SLFN12L: variants seen among roughly 807,000 people sequenced by gnomAD.
The protein encoded by SLFN12L is schlafen family member 12 like, also known as schlafen family member 12-like.
In SLFN12L, 34 loss-of-function variants were observed where a neutral mutation model predicts 34.8. The observed-to-expected ratio is 0.98, with a 90% CI of 0.74 to 1.30. SLFN12L has a LOEUF of 1.30. Ranked by LOEUF, SLFN12L falls within the 50% of genes most tolerant of loss-of-function variation. SLFN12L has a pLI of 0.00. For missense variants in SLFN12L, 703 were observed against 696.2 expected (o/e 1.01, Z -0.11); for synonymous variants, 259 against 247.5 (o/e 1.05, Z -0.44).
At chr17:35,480,308 T>C (rs1024455989) in intron 2 of SLFN12L, 113 bp from the exon 3 acceptor site, 17 of 771,064 alleles carry the variant, frequency 2.2e-5, no homozygotes, top group African/African-American at 3.5e-5. Context: ...GACTGGTAAG[T>C]ATATGGGTCT....
At chr17:35,524,381 C>G (rs1338591186) in intron 1 of SLFN12L, among the ~76,000 whole-genome samples, 1 of 152,230 alleles carries the variant, frequency 6.6e-6, no homozygotes, top group East Asian at 1.9e-4. Flanking sequence ...TGCTAAGGGT[C>G]AGATGGCCTC....
chr17:35,524,971 G>C (rs1359845328), intron 1 of SLFN12L, among the ~76,000 whole-genome samples: 1 of 151,970 alleles, frequency 6.6e-6, no homozygotes, highest in Admixed American at 6.6e-5. Flanking sequence ...AAAAAGGTTA[G>C]ACAAATTGCT....
At chr17:35,476,808 C>A (rs530162635) in intron 4 of SLFN12L, among the ~76,000 whole-genome samples, 1 of 151,104 alleles carries the variant, frequency 6.6e-6, no homozygotes, top group East Asian at 1.9e-4. Flanking sequence ...AAATGTGTAA[C>A]CCTATCTGAA....
chr17:35,487,811 G>A, intron 2 of SLFN12L: 1 of 1,478,252 alleles, frequency 6.8e-7, no homozygotes, highest in Non-Finnish European at 9.1e-7. Context: ...GTCCGTGTGC[G>A]GCTAGCCCCT....
Position 35,530,527 on chromosome 17 carries a change from G to A in SLFN12L, c.-606+7046C>T, listed in dbSNP as rs991772371. ...AAGAAAGAAAGAAAAGAAAAGAAAA[G>A]AAAAGAAAAGAAAAGAAAGAAAGAA... On this transcript the variant is annotated intron_variant, in intron 1 of 4. Transcript: ENST00000628453. 9.1e-3 allele frequency among the ~76,000 whole-genome samples: 339 copies of A among 37,060 alleles called. 13 individuals carry two copies. The highest frequency in any genetic ancestry group is 0.016 in the Non-Finnish European group (213 of 13,024). 24.3% of individuals were successfully genotyped at this position (37,060 alleles called of 152,430 possible).
At chr17:35,525,781 A>T (rs1163324496) in intron 1 of SLFN12L, among the ~76,000 whole-genome samples, 1 of 152,208 alleles carries the variant, frequency 6.6e-6, no homozygotes, top group African/African-American at 2.4e-5. Flanking sequence ...GACCATCGAC[A>T]CTATGAAGAA....
chr17:35,478,126 G>C lies in SLFN12L; in HGVS notation c.1225C>G (p.Leu409Val). The change falls in exon 4 of 5, where the codon CTT becomes GTT. Residue 409 changes from leucine to valine, a missense_variant. Leu to Val is a conservative substitution (Grantham distance 32). Coordinates refer to ENST00000628453, the MANE Select transcript of SLFN12L (RefSeq NM_001363830.2). ...ATTTTGAAGTTAATATATTCACGAAGAGGATAACTCTGGGAGACAGGTGAT... is the reference window on the plus strand; with the variant it reads ...ATTTTGAAGTTAATATATTCACGAACAGGATAACTCTGGGAGACAGGTGAT... Reference protein sequence around the residue: ...TSSPVSQSYPLREYINFKIQP... With the variant: ...TSSPVSQSYPVREYINFKIQP... The C allele has an allele frequency of 6.5e-7, 1 of 1,545,570 alleles. No homozygotes were observed. Among genetic ancestry groups the C allele is most frequent in the Non-Finnish European group, 8.8e-7 (1 of 1,141,934 alleles).
chr17:35,511,597 A>T (rs2142158902), intron 2 of SLFN12L, among the ~76,000 whole-genome samples: 1 of 151,622 alleles, frequency 6.6e-6, no homozygotes, highest in Admixed American at 6.6e-5. Flanking sequence ...ACACACACAC[A>T]CACACACACA....
chr17:35,522,896 C>A lies in SLFN12L; in HGVS notation c.-532G>T. ...GTTGGGTTTGCTTATTTATTAACTC[C>A]TCTAATCCTTCATTCTGTGAGGACA... On this transcript the variant is annotated 5_prime_UTR_variant, in exon 2 of 5. The change creates a new upstream start codon in the 5' untranslated region. Coordinates refer to ENST00000628453, the MANE Select transcript of SLFN12L (RefSeq NM_001363830.2). The A allele has an allele frequency of 1.4e-6, 1 of 715,068 alleles. No homozygotes were observed. Among genetic ancestry groups the A allele is most frequent in the African/African-American group, 1.8e-5 (1 of 55,852 alleles). The allele number at this position is 715,068 out of a possible 1,614,324, so 44.3% of individuals were successfully genotyped here.
rs1916031768 is a variant in SLFN12L at position 35,522,625 on chromosome 17, A to G, written c.-261T>C. ...ATCCATCGGAGACACTGCAGCCTCC[A>G]AAGCCTCTGCGCTGCTCTCAGGACT... On this transcript the variant is annotated 5_prime_UTR_variant, in exon 2 of 5. Transcript: ENST00000628453. 3 of 1,612,456 alleles carry G rather than the reference A, an allele frequency of 1.9e-6. No homozygotes were observed. The highest frequency in any genetic ancestry group is 2.5e-6 in the Non-Finnish European group (3 of 1,179,196).
chr17:35,522,308 A>T lies in SLFN12L; in HGVS notation c.57T>A (p.Cys19Ter). ...HCEAHRILYI[C>*]ESQFLRNFIR... Reference sequence around the variant, plus strand: ...TGAAATTCCTCAGAAACTGACTTTCACAAATGTAGAGAATTCTGTGTGCCT... The same window carrying T: ...TGAAATTCCTCAGAAACTGACTTTCTCAAATGTAGAGAATTCTGTGTGCCT... Residue 19 changes from cysteine to a stop codon, truncating the protein, a stop_gained, in exon 2 of 5, where the codon TGT (cysteine) becomes TGA (stop). Transcript: ENST00000628453. LOFTEE classifies it high-confidence loss of function. 1 of 1,614,188 alleles carries T rather than the reference A, an allele frequency of 6.2e-7. No individual in the cohort carries two copies. Among genetic ancestry groups the T allele is most frequent in the Non-Finnish European group, 8.5e-7 (1 of 1,180,030 alleles).
chr17:35,464,935 G>A lies in SLFN12L; in HGVS notation c.*9988C>T, dbSNP rs1012195678. On this transcript the variant is annotated 3_prime_UTR_variant, in exon 5 of 5. Transcript: ENST00000628453. ...TCTGTCACCCAGGCTGGAGTGCGGTGGTGCCATCTTGGCTCACTGCAACCC... is the reference window on the plus strand; with the variant it reads ...TCTGTCACCCAGGCTGGAGTGCGGTAGTGCCATCTTGGCTCACTGCAACCC... Among the ~76,000 whole-genome samples the A allele has an allele frequency of 6.6e-6, 1 of 152,118 alleles. No homozygotes were observed. Among genetic ancestry groups the A allele is most frequent in the Non-Finnish European group, 1.5e-5 (1 of 68,022 alleles).
At chr17:35,529,156 T>C (rs9915940) in intron 1 of SLFN12L, among the ~76,000 whole-genome samples, 138,932 of 152,114 alleles carry the variant, frequency 0.91, 63,517 homozygotes, top group East Asian at 1. Flanking sequence ...TACCATCTCA[T>C]GCCAGTTAGA....
chr17:35,508,095 A>C (rs1330479255), intron 2 of SLFN12L, among the ~76,000 whole-genome samples: 1 of 152,224 alleles, frequency 6.6e-6, no homozygotes, highest in East Asian at 1.9e-4. Flanking sequence ...CATTGTATGG[A>C]AAAGCACTGT....
intron 2 of SLFN12L, among the ~76,000 whole-genome samples, chr17:35,492,679 T>A (rs544518000): frequency 6.6e-6 from 1 of 152,196 alleles, no homozygotes; most frequent in African/African-American, 2.4e-5. Context: ...AGGAATGGTG[T>A]CCCAAGTTGG....
intron 1 of SLFN12L, among the ~76,000 whole-genome samples, chr17:35,533,244 A>G (rs1007152616): frequency 6.6e-6 from 1 of 152,254 alleles, no homozygotes; most frequent in Non-Finnish European, 1.5e-5. Context: ...TAAAAGATGC[A>G]TATTAATGAA....
rs1913835552 is a variant in SLFN12L at position 35,473,178 on chromosome 17, C to T, written c.*1745G>A. 6.6e-6 allele frequency among the ~76,000 whole-genome samples: 1 copy of T among 152,146 alleles called. No homozygotes were observed. Among genetic ancestry groups the T allele is most frequent in the Non-Finnish European group, 1.5e-5 (1 of 68,034 alleles). On this transcript the variant is annotated 3_prime_UTR_variant, in exon 5 of 5. Coordinates refer to ENST00000628453, the MANE Select transcript of SLFN12L (RefSeq NM_001363830.2). ...GCCTGATTGCCCTGGCCGGAACTTC[C>T]AATACTATGTTGAATAGGAGTGGTG...
In SLFN12L at chr17:35,475,248, T is replaced by C. The variant is rs1245818854; in HGVS notation, c.1514A>G (p.Gln505Arg). 4.3e-6 allele frequency: 7 copies of C among 1,614,070 alleles called. No homozygotes were observed. The highest frequency in any genetic ancestry group is 1.7e-5 in the Admixed American group (1 of 60,012). Residue 505 changes from glutamine to arginine, a missense_variant, in exon 5 of 5, where the codon CAG becomes CGG. Physicochemically the swap from Gln to Arg is conservative, Grantham distance 43. Transcript: ENST00000628453. The part of the protein sequence containing the change: ...PPVLYTFHMV[Q>R]DEEFKDYSTQ... ...AGAATAGTCTTTAAACTCCTCATCC[T>C]GTACCATGTGGAAGGTGTATAGGAC...
chr17:35,497,080 G>A (rs1915109145), intron 2 of SLFN12L, among the ~76,000 whole-genome samples: 3 of 152,130 alleles, frequency 2.0e-5, no homozygotes, highest in Admixed American at 2.0e-4. Flanking sequence ...AACAAAGCTA[G>A]ACTCCTGTCT....
Sources: allele counts gnomAD v4.1 joint callset (sites outside exome capture counted in the v4.1 genomes callset), GRCh38; gene constraint gnomAD v4.1.1; transcripts MANE v1.5; gene names NCBI Gene and HGNC (gene_info 2026-07-23, HGNC 2026-07-21).